Variants in NELL1 observed in about 807,000 individuals in gnomAD.
NELL1 encodes the protein protein kinase C-binding protein NELL1.
NELL1 carries 76 observed loss-of-function variants against 107.4 expected under a neutral mutation model. That is an observed-to-expected ratio of 0.71 (90% confidence interval 0.59 to 0.86). NELL1 has a LOEUF of 0.86. NELL1 is among the 40% of genes least tolerant of loss of function. The pLI is 0.00. For synonymous variants in NELL1, 353 were observed against 341.2 expected, an observed-to-expected ratio of 1.03 and a Z score of -0.38; for missense variants, 1,024 against 1,005.5, an observed-to-expected ratio of 1.02 and a Z score of -0.25.
chr11:21,501,162 C>A (rs765619112), intron 15 of NELL1, among the ~76,000 whole-genome samples: 1 of 152,076 alleles, frequency 6.6e-6, no homozygotes. Context: ...TGTGTGTATG[C>A]GCCCCTAACC....
At chr11:20,692,328 CT>C (rs1854490113) in intron 2 of NELL1, among the ~76,000 whole-genome samples, 1 of 151,918 alleles carries the variant, frequency 6.6e-6, no homozygotes, top group South Asian at 2.1e-4. Context: ...CTTCTGCTAG[CT>C]TTTGAATGTG....
chr11:21,372,631 AT>A (rs1851381682), intron 15 of NELL1, among the ~76,000 whole-genome samples: 1 of 151,892 alleles, frequency 6.6e-6, no homozygotes, highest in Non-Finnish European at 1.5e-5. Context: ...TACTAGATGG[AT>A]TTTTTATTAA....
intron 13 of NELL1, among the ~76,000 whole-genome samples, chr11:21,148,091 G>A (rs1481422479): frequency 1.3e-5 from 2 of 152,046 alleles, no homozygotes; most frequent in Non-Finnish European, 2.9e-5. Context: ...AAGTGTGTGT[G>A]CCACAGAGGA....
intron 13 of NELL1, among the ~76,000 whole-genome samples, chr11:21,122,467 A>G (rs1855391404): frequency 1.3e-5 from 2 of 152,162 alleles, no homozygotes; most frequent in South Asian, 2.1e-4. Context: ...ATGCATATCT[A>G]TCTATCTATC....
chr11:21,565,683 A>G (rs1326144179), intron 17 of NELL1, among the ~76,000 whole-genome samples: 1 of 151,932 alleles, frequency 6.6e-6, no homozygotes, highest in Admixed American at 6.6e-5. Flanking sequence ...ATCACAGTGG[A>G]AAATCATTGT....
chr11:21,418,031 T>C lies in NELL1; in HGVS notation c.1645+47083T>C, dbSNP rs576091354. ...ACACTGGCTAAATGAATCCTCAAAA[T>C]AGTCCTATGAGCTAGGCGTTATTAT... On this transcript the variant is annotated intron_variant, in intron 15 of 19. Transcript: ENST00000357134. Among the ~76,000 whole-genome samples the C allele has an allele frequency of 2.0e-5, 3 of 152,208 alleles. No individual in the cohort carries two copies. In the East Asian group the frequency reaches 5.8e-4, roughly 29 times the overall value.
In NELL1 at chr11:21,376,639, G is replaced by A. The variant is rs969827336; in HGVS notation, c.1645+5691G>A. Among the ~76,000 whole-genome samples, 21 of 152,166 alleles carry A rather than the reference G, an allele frequency of 1.4e-4. No individual in the cohort carries two copies. In the East Asian group the frequency reaches 4.1e-3, roughly 29 times the overall value. On this transcript the variant is annotated intron_variant, in intron 15 of 19. Transcript: ENST00000357134. ...CACTGAATTTTGTAGGTTGCTTTGG[G>A]CAGTATGGCCATTTTAATGATATTG...
At chr11:20,826,688 G>C (rs916748312) in intron 3 of NELL1, among the ~76,000 whole-genome samples, 4 of 151,036 alleles carry the variant, frequency 2.6e-5, no homozygotes, top group African/African-American at 9.7e-5. Flanking sequence ...TCACCCAAAG[G>C]CTGACCTATA....
At chr11:20,978,303 G>A (rs138399188) in intron 12 of NELL1, among the ~76,000 whole-genome samples, 312 of 152,214 alleles carry the variant, frequency 2.0e-3, no homozygotes, top group African/African-American at 6.8e-3. Flanking sequence ...GATAGTCACC[G>A]CGAAGCTAGG....
intron 11 of NELL1, among the ~76,000 whole-genome samples, chr11:20,957,938 G>A (rs1426187627): frequency 2.0e-5 from 3 of 152,056 alleles, no homozygotes; most frequent in Non-Finnish European, 4.4e-5. Flanking sequence ...TATCTAATTG[G>A]AATTCCACAA....
intron 13 of NELL1, among the ~76,000 whole-genome samples, chr11:21,147,631 G>A (rs1426243145): frequency 1.3e-5 from 2 of 151,842 alleles, no homozygotes; most frequent in Non-Finnish European, 2.9e-5. Flanking sequence ...TCAGGAGTTC[G>A]AGACCAGCCT....
intron 14 of NELL1, among the ~76,000 whole-genome samples, chr11:21,293,076 T>C (rs1337594567): frequency 6.6e-6 from 1 of 151,668 alleles, no homozygotes; most frequent in African/African-American, 2.4e-5. Flanking sequence ...AATAGACAAA[T>C]GGGATCTAAA....
chr11:21,151,640 A>G (rs1030944149), intron 13 of NELL1, among the ~76,000 whole-genome samples: 2 of 152,226 alleles, frequency 1.3e-5, no homozygotes, highest in Non-Finnish European at 2.9e-5. Flanking sequence ...TTTAAAGATT[A>G]AATGGGATAA....
At chr11:21,029,013 G>C (rs1417598960) in intron 12 of NELL1, among the ~76,000 whole-genome samples, 1 of 152,090 alleles carries the variant, frequency 6.6e-6, no homozygotes, top group Non-Finnish European at 1.5e-5. Flanking sequence ...GCCAGTTACT[G>C]CTCCTTTCCA....
intron 13 of NELL1, among the ~76,000 whole-genome samples, chr11:21,139,783 C>G (rs940264666): frequency 2.0e-5 from 3 of 152,106 alleles, no homozygotes; most frequent in African/African-American, 7.2e-5. Flanking sequence ...AAATCCAGCT[C>G]AAAATAAACA....
chr11:21,031,391 C>A (rs1188267619), intron 12 of NELL1, among the ~76,000 whole-genome samples: 1 of 152,170 alleles, frequency 6.6e-6, no homozygotes, highest in African/African-American at 2.4e-5. Flanking sequence ...GTAATTTATT[C>A]TTTGGATTTA....
chr11:21,102,842 C>G (rs549961013), intron 12 of NELL1, among the ~76,000 whole-genome samples: 1 of 152,120 alleles, frequency 6.6e-6, no homozygotes, highest in Non-Finnish European at 1.5e-5. Flanking sequence ...ATTTTTGTCT[C>G]AACAATCACA....
At chr11:21,333,153 G>T (rs1011468952) in intron 14 of NELL1, among the ~76,000 whole-genome samples, 1 of 151,920 alleles carries the variant, frequency 6.6e-6, no homozygotes, top group Non-Finnish European at 1.5e-5. Context: ...GGTAAAATTT[G>T]CTTAAAACCA....
rs148376185 is a variant in NELL1 at position 20,868,966 on chromosome 11, C to T, written c.507-16478C>T. Among the ~76,000 whole-genome samples the T allele has an allele frequency of 3.4e-4, 52 of 152,234 alleles. 1 individual carries two copies. The highest frequency in any genetic ancestry group is 1.2e-3 in the African/African-American group (51 of 41,556). On this transcript the variant is annotated intron_variant, in intron 4 of 19. Coordinates refer to ENST00000357134, the MANE Select transcript of NELL1 (RefSeq NM_006157.5). ...GAGTGGGAAGCAGTTCCCTGTTTGA[C>T]AGCTGAGTTAAGTGTTGGTGTATTA... is the stretch of plus-strand genomic sequence containing the variant.
Sources: gnomAD v4.1 joint callset for allele counts (sites outside exome capture counted in the v4.1 genomes callset) on GRCh38, gnomAD v4.1.1 for gene constraint, MANE v1.5 for transcripts, NCBI Gene and HGNC (gene_info 2026-07-23, HGNC 2026-07-21) for gene names.